The following EML6 variants were observed in gnomAD, a reference collection of about 807,000 sequenced individuals.
EML6 encodes EMAP like 6, also known as echinoderm microtubule-associated protein-like 6.
EML6 carries 154 observed loss-of-function variants against 240.1 expected under a neutral mutation model. That is an observed-to-expected ratio of 0.64 (90% CI 0.56 to 0.73). The LOEUF (loss-of-function observed/expected upper bound fraction) is 0.73, where lower values mean the gene tolerates loss of function less well. EML6 is among the 30% of genes least tolerant of loss of function. EML6 has a pLI of 0.00. For missense variants in EML6, 2,964 were observed against 2,474.6 expected (o/e 1.20, Z -4.20); for synonymous variants, 1,148 against 899.0 (o/e 1.28, Z -4.95).
In EML6 at chr2:54,962,718, C is replaced by T. The variant is rs1317649205; in HGVS notation, c.5157+7C>T. On this transcript the variant is annotated splice_region_variant and intron_variant, in intron 36 of 41. Coordinates refer to ENST00000356458, the MANE Select transcript of EML6 (RefSeq NM_001039753.4). ...CTGGGACCTGGCTGACAAGGTGAGG[C>T]CGACTCTGCCCAAACTCAGATGCCC... The T allele has an allele frequency of 6.2e-6, 9 of 1,462,292 alleles. No individual in the cohort carries two copies. Among genetic ancestry groups the T allele is most frequent in the Non-Finnish European group, 8.2e-6 (9 of 1,103,466 alleles). The allele number at this position is 1,462,292 out of a possible 1,614,324, so 90.6% of individuals were successfully genotyped here.
chr2:54,766,993 G>A (rs1668211413), intron 2 of EML6, among the ~76,000 whole-genome samples: 1 of 152,066 alleles, frequency 6.6e-6, no homozygotes, highest in Non-Finnish European at 1.5e-5. Flanking sequence ...GCTAAAAGTA[G>A]CACCAAGTAT....
chr2:54,746,937 A>T (rs1025921180), intron 2 of EML6, among the ~76,000 whole-genome samples: 12 of 152,186 alleles, frequency 7.9e-5, no homozygotes, highest in Non-Finnish European at 1.6e-4. Flanking sequence ...ATATCCCAGG[A>T]GTGTTTTTTA....
intron 16 of EML6, among the ~76,000 whole-genome samples, chr2:54,878,932 T>C (rs539069351): frequency 1.3e-5 from 2 of 152,360 alleles, no homozygotes; most frequent in African/African-American, 4.8e-5. Flanking sequence ...TTAAAAATTT[T>C]CTGTATCCAT....
At chr2:54,962,235 C>G (rs1676553934) in intron 35 of EML6, among the ~76,000 whole-genome samples, 1 of 151,762 alleles carries the variant, frequency 6.6e-6, no homozygotes, top group African/African-American at 2.4e-5. Context: ...ATTTTTTTAA[C>G]TGTGGCCAAA....
At chr2:54,902,638 A>G (rs1007867057) in intron 22 of EML6, among the ~76,000 whole-genome samples, 1 of 152,188 alleles carries the variant, frequency 6.6e-6, no homozygotes, top group African/African-American at 2.4e-5. Context: ...GGCTCAAGCA[A>G]TCCACCTGCC....
intron 2 of EML6, among the ~76,000 whole-genome samples, chr2:54,736,666 T>TA (rs1428463232): frequency 7.2e-5 from 11 of 152,184 alleles, no homozygotes; most frequent in African/African-American, 2.7e-4. Flanking sequence ...ACATCGTGCT[T>TA]AACCTCTTCA....
intron 9 of EML6, among the ~76,000 whole-genome samples, chr2:54,848,269 C>T (rs138287600): frequency 1.3e-4 from 20 of 152,258 alleles, no homozygotes; most frequent in Non-Finnish European, 2.6e-4. Context: ...GTCGTTCTCT[C>T]GACTCACATG....
intron 18 of EML6, among the ~76,000 whole-genome samples, chr2:54,892,243 C>G (rs535421954): frequency 1.9e-4 from 29 of 152,226 alleles, no homozygotes; most frequent in African/African-American, 6.7e-4. Flanking sequence ...GCTGCACTTA[C>G]CACATGTAGG....
chr2:54,746,056 T>A (rs899877844), intron 2 of EML6, among the ~76,000 whole-genome samples: 2 of 152,040 alleles, frequency 1.3e-5, no homozygotes, highest in Non-Finnish European at 2.9e-5. Flanking sequence ...TGGACCAGGA[T>A]TGAGACTCAA....
intron 28 of EML6, among the ~76,000 whole-genome samples, chr2:54,938,137 G>A (rs1675246155): frequency 6.6e-6 from 1 of 152,168 alleles, no homozygotes; most frequent in African/African-American, 2.4e-5. Flanking sequence ...CCTGAGGTCA[G>A]GAGTTCGAGA....
chr2:54,736,231 C>T (rs1683385904), intron 2 of EML6, among the ~76,000 whole-genome samples: 1 of 152,222 alleles, frequency 6.6e-6, no homozygotes, highest in Non-Finnish European at 1.5e-5. Context: ...AAGAGAAGGC[C>T]AATTTACATT....
chr2:54,891,275 T>A, intron 18 of EML6, 121 bp downstream of exon 18: 1 of 523,340 alleles, frequency 1.9e-6, no homozygotes, highest in Non-Finnish European at 3.4e-6. Context: ...AAAATGTGCC[T>A]AAAAAAATTA....
At chr2:54,915,681 A>G (rs1000133278) in intron 25 of EML6, among the ~76,000 whole-genome samples, 8 of 152,160 alleles carry the variant, frequency 5.3e-5, no homozygotes, top group Admixed American at 1.3e-4. Flanking sequence ...CGTTGTGACT[A>G]AAACTCCTGG....
At chr2:54,776,718 C>G (rs1275070637) in intron 2 of EML6, among the ~76,000 whole-genome samples, 1 of 152,136 alleles carries the variant, frequency 6.6e-6, no homozygotes, top group African/African-American at 2.4e-5. Context: ...TGTCTCCTCC[C>G]TCCCCTCCTG....
chr2:54,895,491 A>G, intron 21 of EML6, 91 bp downstream of exon 21: 1 of 1,282,372 alleles, frequency 7.8e-7, no homozygotes. Flanking sequence ...AAACTTAAGG[A>G]GGCACTCACT....
chr2:54,884,230 C>CAGAGGATGTTAA (rs1199518127), intron 17 of EML6, among the ~76,000 whole-genome samples: 1 of 152,014 alleles, frequency 6.6e-6, no homozygotes, highest in East Asian at 1.9e-4. Flanking sequence ...CAGGTTATTA[C>CAGAGGATGTTAA]AAAGGTTATG....
rs955372180 is a variant in EML6 at position 54,813,491 on chromosome 2, C to T, written c.357+100C>T. 41 of 996,950 alleles carry T rather than the reference C, an allele frequency of 4.1e-5. No individual in the cohort carries two copies. The Admixed American group carries it at 7.9e-4, about 19-fold the overall frequency. 61.8% of individuals were successfully genotyped at this position (996,950 alleles called of 1,614,324 possible). A position where few individuals can be genotyped will look rare whatever the true frequency, so the allele number is the denominator to read the frequency against. On this transcript the variant is annotated intron_variant, in intron 3 of 41. Coordinates refer to ENST00000356458, the MANE Select transcript of EML6 (RefSeq NM_001039753.4). ...TAGATTCAAAGTCCATCAACCCTTGCTGGTTCTTCTGGCACAGCCTCCTAG... is the reference window on the plus strand; with the variant it reads ...TAGATTCAAAGTCCATCAACCCTTGTTGGTTCTTCTGGCACAGCCTCCTAG...
chr2:54,863,453 G>C (rs1670790398), intron 12 of EML6, among the ~76,000 whole-genome samples: 1 of 152,150 alleles, frequency 6.6e-6, no homozygotes, highest in African/African-American at 2.4e-5. Flanking sequence ...CCCCGGAGGA[G>C]GAGGTTGTAG....
chr2:54,950,344 C>T (rs892093057), intron 29 of EML6, among the ~76,000 whole-genome samples: 6 of 152,238 alleles, frequency 3.9e-5, no homozygotes, highest in African/African-American at 1.4e-4. Flanking sequence ...GCTAGGTACC[C>T]TTTACAGGGC....
Sources: allele counts gnomAD v4.1 joint callset (sites outside exome capture counted in the v4.1 genomes callset), GRCh38; gene constraint gnomAD v4.1.1; transcripts MANE v1.5; gene names NCBI Gene and HGNC (gene_info 2026-07-23, HGNC 2026-07-21).